Variants in KIAA1217 observed in about 807,000 individuals in gnomAD.
The protein encoded by KIAA1217 is sickle tail protein homolog.
KIAA1217 carries 88 observed loss-of-function variants against 163.9 expected under a neutral mutation model. The observed-to-expected ratio is 0.54, with a 90% CI of 0.45 to 0.64. The LOEUF is 0.64. KIAA1217 is among the 30% of genes least tolerant of loss of function. The pLI is 0.00. For synonymous variants in KIAA1217, 903 were observed against 923.1 expected, an observed-to-expected ratio of 0.98 and a Z score of 0.39; for missense variants, 2,372 against 2,475.0, an observed-to-expected ratio of 0.96 and a Z score of 0.88.
At chr10:24,369,950 T>C (rs1394415738) in intron 2 of KIAA1217, among the ~76,000 whole-genome samples, 1 of 152,228 alleles carries the variant, frequency 6.6e-6, no homozygotes, top group Non-Finnish European at 1.5e-5. Context: ...AATTGTTGTA[T>C]TCAAGGCAAC....
chr10:23,767,722 A>G (rs190972888), intron 1 of KIAA1217, among the ~76,000 whole-genome samples: 1 of 152,304 alleles, frequency 6.6e-6, no homozygotes, highest in African/African-American at 2.4e-5. Context: ...ATGCATTTGC[A>G]TGGGGGCAGG....
chr10:23,704,711 T>A (rs1314446374), intron 1 of KIAA1217, among the ~76,000 whole-genome samples: 4 of 152,214 alleles, frequency 2.6e-5, no homozygotes, highest in African/African-American at 9.6e-5. Flanking sequence ...TATCAGTTTA[T>A]GGACATCTAG....
intron 12 of KIAA1217, among the ~76,000 whole-genome samples, chr10:24,523,605 C>T (rs1160300864): frequency 4.6e-5 from 7 of 152,130 alleles, no homozygotes; most frequent in South Asian, 2.1e-4. Flanking sequence ...TTAGTCCTAA[C>T]GACAGGTCCT....
At chr10:23,833,093 A>G (rs1838289573) in intron 1 of KIAA1217, among the ~76,000 whole-genome samples, 1 of 152,160 alleles carries the variant, frequency 6.6e-6, no homozygotes, top group Non-Finnish European at 1.5e-5. Context: ...TATTTTTCTT[A>G]ATATATCAAC....
chr10:24,180,579 C>T lies in KIAA1217; in HGVS notation c.-170-39047C>T, dbSNP rs553946617. On this transcript the variant is annotated intron_variant, in intron 2 of 18. Transcript: ENST00000376462. ...TCTCTCTGTAATACCATTTCCTTTC[C>T]TCTTCTCCTTCCCAACCTTACCCAT... is the stretch of plus-strand genomic sequence containing the variant. Among the ~76,000 whole-genome samples the T allele has an allele frequency of 4.6e-4, 70 of 152,200 alleles. 1 individual carries two copies. Among genetic ancestry groups the T allele is most frequent in the African/African-American group, 1.6e-3 (66 of 41,540 alleles).
intron 2 of KIAA1217, among the ~76,000 whole-genome samples, chr10:24,357,343 C>A (rs2049240261): frequency 6.6e-6 from 1 of 152,192 alleles, no homozygotes; most frequent in Admixed American, 6.5e-5. Context: ...ATCAGAAGTG[C>A]ATTCTGGACT....
At chr10:24,464,381 A>G (rs1013461993) in intron 5 of KIAA1217, among the ~76,000 whole-genome samples, 1 of 152,174 alleles carries the variant, frequency 6.6e-6, no homozygotes, top group African/African-American at 2.4e-5. Context: ...GGAGAGGTAA[A>G]CTAGACTTCT....
chr10:23,957,605 T>C (rs1488287147), intron 1 of KIAA1217, among the ~76,000 whole-genome samples: 1 of 152,072 alleles, frequency 6.6e-6, no homozygotes, highest in Non-Finnish European at 1.5e-5. Flanking sequence ...GCCTGTAGTC[T>C]CAGCTACTTG....
intron 2 of KIAA1217, among the ~76,000 whole-genome samples, chr10:24,295,420 A>T (rs2132558613): frequency 6.6e-6 from 1 of 152,324 alleles, no homozygotes; most frequent in Admixed American, 6.5e-5. Flanking sequence ...TCAAAGATTT[A>T]TGACTGTGTC....
chr10:24,113,915 A>G (rs1403545183), intron 2 of KIAA1217, among the ~76,000 whole-genome samples: 1 of 152,206 alleles, frequency 6.6e-6, no homozygotes, highest in Non-Finnish European at 1.5e-5. Context: ...ATTAAGACCC[A>G]AGACAGCAGC....
At chr10:24,064,215 G>T (rs1417740305) in intron 2 of KIAA1217, among the ~76,000 whole-genome samples, 1 of 152,134 alleles carries the variant, frequency 6.6e-6, no homozygotes, top group Non-Finnish European at 1.5e-5. Context: ...TCCCTGTCTT[G>T]TGCCAGTTTT....
At chr10:24,065,790 G>T (rs2060918944) in intron 2 of KIAA1217, among the ~76,000 whole-genome samples, 1 of 152,014 alleles carries the variant, frequency 6.6e-6, no homozygotes. Context: ...TCTCTTTGTA[G>T]GTCACTAAGG....
chr10:24,326,187 C>A (rs560694137), intron 2 of KIAA1217, among the ~76,000 whole-genome samples: 1 of 152,134 alleles, frequency 6.6e-6, no homozygotes, highest in Admixed American at 6.5e-5. Flanking sequence ...ATTATTACTA[C>A]GGTATCTCTA....
At chr10:23,903,614 C>G (rs1842036833) in intron 1 of KIAA1217, among the ~76,000 whole-genome samples, 1 of 152,056 alleles carries the variant, frequency 6.6e-6, no homozygotes, top group Non-Finnish European at 1.5e-5. Flanking sequence ...GTATCTGTAT[C>G]CTCATTCCTT....
chr10:24,345,939 C>T (rs1214368405), intron 2 of KIAA1217, among the ~76,000 whole-genome samples: 2 of 152,146 alleles, frequency 1.3e-5, no homozygotes, highest in Non-Finnish European at 2.9e-5. Context: ...AACTGAAACT[C>T]TATCCATTCA....
chr10:23,876,908 C>T (rs1304462770), intron 1 of KIAA1217, among the ~76,000 whole-genome samples: 9 of 152,012 alleles, frequency 5.9e-5, no homozygotes, highest in Middle Eastern at 3.4e-3. Flanking sequence ...TTAGGGTGAG[C>T]GGTGTCATAG....
At chr10:24,261,757 G>A (rs1432588934) in intron 2 of KIAA1217, among the ~76,000 whole-genome samples, 1 of 152,092 alleles carries the variant, frequency 6.6e-6, no homozygotes, top group Non-Finnish European at 1.5e-5. Context: ...ATAGGTGCAG[G>A]GTCACTGATG....
At chr10:24,111,941 TTTG>T (rs143328296) in intron 2 of KIAA1217, among the ~76,000 whole-genome samples, 83 of 152,072 alleles carry the variant, frequency 5.5e-4, no homozygotes, top group African/African-American at 1.5e-3. Flanking sequence ...CTAATTTGTT[TTTG>T]TTGTTGTTGT....
At chr10:24,172,303 G>A (rs1214142432) in intron 2 of KIAA1217, among the ~76,000 whole-genome samples, 2 of 152,158 alleles carry the variant, frequency 1.3e-5, no homozygotes, top group African/African-American at 4.8e-5. Context: ...ATTTTCCTAT[G>A]ACCACTATGC....
Sources: allele counts gnomAD v4.1 joint callset (sites outside exome capture counted in the v4.1 genomes callset), GRCh38; gene constraint gnomAD v4.1.1; transcripts MANE v1.5; gene names NCBI Gene and HGNC (gene_info 2026-07-23, HGNC 2026-07-21).